ANO3: variants seen among roughly 807,000 people sequenced by gnomAD.
The protein encoded by ANO3 is anoctamin-3.
ANO3 carries 99 observed loss-of-function variants against 144.8 expected under a neutral mutation model. The observed-to-expected ratio is 0.68, with a 90% CI of 0.58 to 0.81. The LOEUF (loss-of-function observed/expected upper bound fraction) is 0.81, where lower values mean the gene tolerates loss of function less well. ANO3 is among the 30% of genes least tolerant of loss of function. The pLI is 0.00. For synonymous variants in ANO3, 414 were observed against 392.6 expected, an observed-to-expected ratio of 1.05 and a Z score of -0.64; for missense variants, 905 against 1,202.2, an observed-to-expected ratio of 0.75 and a Z score of 3.66.
chr11:26,563,393 C>CTGTGTGTGTGTGTGTG (rs764671965), intron 14 of ANO3: 6 of 825,660 alleles, frequency 7.3e-6, no homozygotes, highest in South Asian at 4.3e-5. Flanking sequence ...GTGTTTCTCT[C>CTGTGTGTGTGTGTGTG]TCTGTGTGTG....
intron 1 of ANO3, among the ~76,000 whole-genome samples, chr11:26,223,713 G>A (rs1417829111): frequency 6.6e-6 from 1 of 151,730 alleles, no homozygotes; most frequent in Non-Finnish European, 1.5e-5. Context: ...GCATCTTCTT[G>A]GCTTCTGGTG....
At chr11:26,273,676 A>G in intron 1 of ANO3, among the ~76,000 whole-genome samples, 1 of 147,974 alleles carries the variant, frequency 6.8e-6, no homozygotes, top group African/African-American at 2.5e-5. Context: ...ACACACACAA[A>G]TTCTGTCGGG....
At chr11:26,372,129 G>T (rs557068336) in intron 1 of ANO3, among the ~76,000 whole-genome samples, 7 of 152,108 alleles carry the variant, frequency 4.6e-5, no homozygotes, top group Non-Finnish European at 1.0e-4. Context: ...TAGGTGGGAG[G>T]TAATTGAATC....
intron 1 of ANO3, among the ~76,000 whole-genome samples, chr11:26,376,208 A>G (rs7124839): frequency 0.27 from 40,577 of 151,950 alleles, 6,090 homozygotes; most frequent in African/African-American, 0.41. Flanking sequence ...ACACATCCAT[A>G]AACCTTTCAA....
At chr11:26,476,635 C>A (rs1439832277) in intron 4 of ANO3, among the ~76,000 whole-genome samples, 1 of 150,434 alleles carries the variant, frequency 6.6e-6, no homozygotes, top group Non-Finnish European at 1.5e-5. Flanking sequence ...TCACTCTGCC[C>A]CTTTGGGTGG....
At chr11:26,325,912 G>C (rs1288416057) in intron 1 of ANO3, among the ~76,000 whole-genome samples, 7 of 152,132 alleles carry the variant, frequency 4.6e-5, no homozygotes, top group Non-Finnish European at 8.8e-5. Flanking sequence ...ACAGGTTAGA[G>C]ACCTAGATCC....
At chr11:26,556,608 C>T (rs1850089707) in intron 13 of ANO3, among the ~76,000 whole-genome samples, 1 of 152,108 alleles carries the variant, frequency 6.6e-6, no homozygotes, top group African/African-American at 2.4e-5. Context: ...TAACAAGTTC[C>T]TCAGGTGACT....
At chr11:26,610,948 A>T (rs939483168) in intron 17 of ANO3, among the ~76,000 whole-genome samples, 2 of 152,010 alleles carry the variant, frequency 1.3e-5, no homozygotes, top group African/African-American at 4.8e-5. Context: ...ATAGTCTCTT[A>T]TGATGCTTTG....
At chr11:26,491,652 T>G (rs906042515) in intron 4 of ANO3, among the ~76,000 whole-genome samples, 1 of 152,214 alleles carries the variant, frequency 6.6e-6, no homozygotes, top group African/African-American at 2.4e-5. Flanking sequence ...ATTTTATTAT[T>G]ACTCTTGGTT....
intron 1 of ANO3, among the ~76,000 whole-genome samples, chr11:26,263,769 A>G (rs780038315): frequency 3.3e-5 from 5 of 152,198 alleles, no homozygotes; most frequent in African/African-American, 4.8e-5. Context: ...TTCACATCAT[A>G]TTGGTTTCAT....
At chr11:26,648,165 T>C (rs1410409421) in intron 24 of ANO3, among the ~76,000 whole-genome samples, 1 of 152,070 alleles carries the variant, frequency 6.6e-6, no homozygotes, top group Non-Finnish European at 1.5e-5. Context: ...ATCTAGATGG[T>C]AAGAAGAATG....
chr11:26,630,836 A>C (rs914076101), intron 18 of ANO3, among the ~76,000 whole-genome samples: 4 of 152,184 alleles, frequency 2.6e-5, no homozygotes, highest in African/African-American at 9.6e-5. Context: ...TAATCTCACC[A>C]AGCAAGTTGA....
intron 1 of ANO3, among the ~76,000 whole-genome samples, chr11:26,318,590 A>C (rs1463200475): frequency 1.3e-5 from 2 of 152,254 alleles, no homozygotes; most frequent in Admixed American, 1.3e-4. Flanking sequence ...CTATATAATT[A>C]AGTGCTAAAT....
intron 1 of ANO3, among the ~76,000 whole-genome samples, chr11:26,303,488 A>G (rs1366772372): frequency 6.6e-6 from 1 of 152,182 alleles, no homozygotes; most frequent in Non-Finnish European, 1.5e-5. Flanking sequence ...AATGGGAGCT[A>G]AGTATCAAGT....
chr11:26,413,096 C>G (rs1031177574), intron 1 of ANO3, among the ~76,000 whole-genome samples: 3 of 151,864 alleles, frequency 2.0e-5, no homozygotes, highest in African/African-American at 7.3e-5. Flanking sequence ...CAAGAATATT[C>G]TTACCTCATC....
At chr11:26,318,893 C>A (rs544856960) in intron 1 of ANO3, among the ~76,000 whole-genome samples, 122 of 152,208 alleles carry the variant, frequency 8.0e-4, no homozygotes, top group African/African-American at 2.6e-3. Context: ...TTTTGTTTTA[C>A]CCATACATAT....
At chr11:26,581,172 A>G (rs1851118223) in intron 14 of ANO3, among the ~76,000 whole-genome samples, 1 of 152,188 alleles carries the variant, frequency 6.6e-6, no homozygotes, top group Non-Finnish European at 1.5e-5. Flanking sequence ...AATGAGTGAG[A>G]TGGATAATGT....
At chr11:26,349,421 T>C (rs1442909688) in intron 1 of ANO3, among the ~76,000 whole-genome samples, 1 of 152,192 alleles carries the variant, frequency 6.6e-6, no homozygotes, top group Non-Finnish European at 1.5e-5. Context: ...CTCAAGTATA[T>C]AGAATTATTA....
chr11:26,644,852 C>CACACACA (rs1853291379), intron 23 of ANO3, among the ~76,000 whole-genome samples: 1 of 149,844 alleles, frequency 6.7e-6, no homozygotes, highest in Non-Finnish European at 1.5e-5. Context: ...CACACACATA[C>CACACACA]CATATATACA....
Sources: gnomAD v4.1 joint callset for allele counts (sites outside exome capture counted in the v4.1 genomes callset) on GRCh38, gnomAD v4.1.1 for gene constraint, MANE v1.5 for transcripts, NCBI Gene and HGNC (gene_info 2026-07-23, HGNC 2026-07-21) for gene names.